IFITM10: variants seen among roughly 807,000 people sequenced by gnomAD.
IFITM10 encodes interferon-induced transmembrane protein 10.
Under a neutral mutation model 19.0 loss-of-function variants are expected in IFITM10, and 17 were observed. The ratio of observed to expected loss-of-function variants is 0.90; its 90% CI spans 0.61 to 1.34. The LOEUF (loss-of-function observed/expected upper bound fraction) is 1.34. Ranked by LOEUF, IFITM10 falls within the 40% of genes most tolerant of loss-of-function variation. The pLI is 0.00. For synonymous variants in IFITM10, 148 were observed against 147.2 expected (o/e 1.01, Z -0.04); for missense variants, 306 against 319.8 (o/e 0.96, Z 0.33).
intron 2 of IFITM10, among the ~76,000 whole-genome samples, chr11:1,741,226 C>T (rs1245411164): frequency 1.3e-5 from 2 of 151,914 alleles, no homozygotes; most frequent in African/African-American, 2.4e-5. Flanking sequence ...GGATGGAGAG[C>T]TGAGCCCTGG....
chr11:1,743,309 A>T (rs1845593249), intron 2 of IFITM10, among the ~76,000 whole-genome samples: 1 of 149,004 alleles, frequency 6.7e-6, no homozygotes, highest in African/African-American at 2.5e-5. Flanking sequence ...GGATGGACAG[A>T]TGAAGAATGG....
chr11:1,738,996 G>A (rs1275069086), intron 2 of IFITM10, among the ~76,000 whole-genome samples: 1 of 137,554 alleles, frequency 7.3e-6, no homozygotes, highest in African/African-American at 2.7e-5. Flanking sequence ...AGAGGTTGCA[G>A]TGAGCTGAGA....
intron 2 of IFITM10, among the ~76,000 whole-genome samples, chr11:1,740,844 T>C (rs1845561148): frequency 1.4e-5 from 1 of 71,252 alleles, no homozygotes; most frequent in African/African-American, 5.6e-5. Flanking sequence ...GTAGATCTCA[T>C]GGCTTGATGC....
Position 1,750,514 on chromosome 11 carries a change from C to T in IFITM10, c.-72G>A, listed in dbSNP as rs987269775. The T allele has an allele frequency of 2.2e-5, 34 of 1,538,864 alleles. No homozygotes were observed. Among genetic ancestry groups the T allele is most frequent in the Admixed American group, 9.9e-5 (5 of 50,648 alleles). On this transcript the variant is annotated 5_prime_UTR_variant, in exon 1 of 3. Coordinates refer to ENST00000340134, the MANE Select transcript of IFITM10 (RefSeq NM_001170820.4). Reference sequence around the variant, plus strand: ...ACTCTCAACTGGCCTCCTGTGTCTCCGCAACCCTCTTTCCTGTCTGGAAGG... The same window carrying T: ...ACTCTCAACTGGCCTCCTGTGTCTCTGCAACCCTCTTTCCTGTCTGGAAGG...
Position 1,747,753 on chromosome 11 carries a change from T to C in IFITM10, c.451A>G (p.Asn151Asp), listed in dbSNP as rs375404605. The C allele has an allele frequency of 1.3e-6, 2 of 1,551,726 alleles. No homozygotes were observed. Among genetic ancestry groups the C allele is most frequent in the African/African-American group, 2.7e-5 (2 of 73,066 alleles). Residue 151 changes from asparagine to aspartate, a missense_variant, in exon 2 of 3, where the codon AAC becomes GAC. Coordinates refer to ENST00000340134, the MANE Select transcript of IFITM10 (RefSeq NM_001170820.4). Reference protein sequence around the residue: ...IEVYPDTTEVNDYYLWSIFNF... With the variant: ...IEVYPDTTEVDDYYLWSIFNF... ...AAGATGGACCACAGGTAATAGTCGT[T>C]CACCTCGGTGGTGTCCGGGTAGACC...
chr11:1,747,359 C>T (rs911434625), intron 2 of IFITM10, among the ~76,000 whole-genome samples: 1 of 152,134 alleles, frequency 6.6e-6, no homozygotes, highest in African/African-American at 2.4e-5. Flanking sequence ...ACCCCGCCCC[C>T]CTCAACCCCC....
chr11:1,750,250 A>G, intron 1 of IFITM10, 109 bp downstream of exon 1: 4 of 1,530,268 alleles, frequency 2.6e-6, no homozygotes, highest in Middle Eastern at 1.7e-4. Flanking sequence ...CATCCCCATA[A>G]CAGTCCCCAT....
chr11:1,741,424 G>A (rs1463669434), intron 2 of IFITM10, among the ~76,000 whole-genome samples: 6 of 151,974 alleles, frequency 3.9e-5, no homozygotes, highest in Non-Finnish European at 8.8e-5. Context: ...GATGGATGGT[G>A]CTGGGTGGGT....
At chr11:1,749,042 G>C in intron 1 of IFITM10, 4 of 1,106,210 alleles carry the variant, frequency 3.6e-6, no homozygotes, top group Non-Finnish European at 4.5e-6. Context: ...GCGCGCGGCC[G>C]GACCCCCTGA....
chr11:1,747,699 GGCA>G lies in IFITM10; in HGVS notation c.502_504del (p.Cys168del). ...GAGTAGGCCAAGGCGATGAAGCCCA[GGCA>G]GCAGAAGTTGAGGTAGACGAAGTTG... On this transcript the variant is annotated inframe_deletion, in exon 2 of 3. Coordinates refer to ENST00000340134, the MANE Select transcript of IFITM10 (RefSeq NM_001170820.4). 2 of 1,551,796 alleles carry G rather than the reference GGCA, an allele frequency of 1.3e-6. No individual in the cohort carries two copies. Among genetic ancestry groups the G allele is most frequent in the Non-Finnish European group, 1.7e-6 (2 of 1,146,988 alleles).
At chr11:1,749,042 G>A in intron 1 of IFITM10, 2 of 1,106,210 alleles carry the variant, frequency 1.8e-6, no homozygotes, top group Admixed American at 4.4e-5. Context: ...GCGCGCGGCC[G>A]GACCCCCTGA....
intron 2 of IFITM10, chr11:1,746,396 T>G (rs1008834846): frequency 5.3e-6 from 2 of 375,740 alleles, no homozygotes; most frequent in African/African-American, 5.5e-5. Context: ...ACACAATGCA[T>G]TCACATGCAC....
In IFITM10 at chr11:1,748,625, C is replaced by T. The variant is rs368673598; in HGVS notation, c.85-506G>A. On this transcript the variant is annotated intron_variant, in intron 1 of 2. Transcript: ENST00000340134. Reference sequence around the variant, plus strand: ...TCCACCGCGGGCTGCACCGCGGGCTCTCCAGACCCCGGGGCGCACCCGCGG... The same window carrying T: ...TCCACCGCGGGCTGCACCGCGGGCTTTCCAGACCCCGGGGCGCACCCGCGG... The T allele has an allele frequency of 2.3e-3, 348 of 153,158 alleles. 2 individuals carry two copies. Among genetic ancestry groups the T allele is most frequent in the African/African-American group, 8.2e-3 (340 of 41,578 alleles). The allele number at this position is 153,158 out of a possible 1,614,324, so 9.5% of individuals were successfully genotyped here.
In IFITM10 at chr11:1,746,743, C is replaced by G. The variant is rs889985528; in HGVS notation, c.537+924G>C. ...CCTGCATCCCCTGTCTTCTCCCCCA[C>G]CCGGCAGGGCAGCTGCATTGGTGGA... On this transcript the variant is annotated intron_variant, in intron 2 of 2. Coordinates refer to ENST00000340134, the MANE Select transcript of IFITM10 (RefSeq NM_001170820.4). 5 of 398,980 alleles carry G rather than the reference C, an allele frequency of 1.3e-5. No individual in the cohort carries two copies. In the Admixed American group the frequency reaches 1.8e-4, roughly 14 times the overall value. The allele number at this position is 398,980 out of a possible 1,614,324, so 24.7% of individuals were successfully genotyped here.
intron 1 of IFITM10, among the ~76,000 whole-genome samples, chr11:1,749,879 G>T (rs1209062287): frequency 6.6e-6 from 1 of 152,056 alleles, no homozygotes; most frequent in African/African-American, 2.4e-5. Context: ...CCTGGAGTCT[G>T]ACTTCACCCA....
At chr11:1,743,827 C>T (rs796463707) in intron 2 of IFITM10, among the ~76,000 whole-genome samples, 40 of 152,284 alleles carry the variant, frequency 2.6e-4, no homozygotes, top group African/African-American at 9.6e-4. Flanking sequence ...TGTCTCCTTC[C>T]CCTACACTGG....
chr11:1,739,972 A>G (rs933859195), intron 2 of IFITM10, among the ~76,000 whole-genome samples: 7 of 152,142 alleles, frequency 4.6e-5, no homozygotes, highest in Middle Eastern at 3.2e-3. Context: ...GTGATATGAC[A>G]TATGTGAACG....
chr11:1,735,448 C>A lies in IFITM10; in HGVS notation c.538-19G>T. 2 of 1,549,504 alleles carry A rather than the reference C, an allele frequency of 1.3e-6. No homozygotes were observed. The highest frequency in any genetic ancestry group is 1.7e-4 in the Middle Eastern group (1 of 5,910). On this transcript the variant is annotated intron_variant, in intron 2 of 2. Coordinates refer to ENST00000340134, the MANE Select transcript of IFITM10 (RefSeq NM_001170820.4). Reference sequence around the variant, plus strand: ...CTCGCACCTGAAGCCGGGAGGAGGACAGGAAATGGGCAGTCAGCCAGGGAG... The same window carrying A: ...CTCGCACCTGAAGCCGGGAGGAGGAAAGGAAATGGGCAGTCAGCCAGGGAG...
intron 2 of IFITM10, chr11:1,746,717 C>T: frequency 5.0e-6 from 2 of 398,844 alleles, no homozygotes; most frequent in Non-Finnish European, 8.8e-6. Context: ...CCTCTTCTCT[C>T]CCTGCATCCC....
Sources: allele counts gnomAD v4.1 joint callset (sites outside exome capture counted in the v4.1 genomes callset), GRCh38; gene constraint gnomAD v4.1.1; transcripts MANE v1.5; gene names NCBI Gene and HGNC (gene_info 2026-07-23, HGNC 2026-07-21).